LAMA4: variants seen among roughly 807,000 people sequenced by gnomAD.
The protein encoded by LAMA4 is laminin subunit alpha 4, also known as laminin subunit alpha-4.
Under a neutral mutation model 207.1 loss-of-function variants are expected in LAMA4, and 127 were observed. The observed-to-expected ratio is 0.61, with a 90% CI of 0.53 to 0.71. The LOEUF is 0.71. Among genes scored for constraint, LAMA4 ranks in the 30% least tolerant of loss-of-function variants. The probability of loss-of-function intolerance (pLI) is 0.00; values close to 1 mark genes in which losing one functional copy is unlikely to be tolerated. For synonymous variants in LAMA4, 761 were observed against 816.0 expected (o/e 0.93, Z 1.15); for missense variants, 2,093 against 2,246.5 (o/e 0.93, Z 1.38).
intron 22 of LAMA4, among the ~76,000 whole-genome samples, chr6:112,140,210 T>A (rs187979339): frequency 6.6e-6 from 1 of 152,328 alleles, no homozygotes; most frequent in African/African-American, 2.4e-5. Context: ...GGGAAAATAA[T>A]TCTCAGATAA....
chr6:112,210,428 C>G (rs1375852954), intron 3 of LAMA4, among the ~76,000 whole-genome samples: 1 of 152,136 alleles, frequency 6.6e-6, no homozygotes, highest in East Asian at 1.9e-4. Context: ...AAAGCTATAT[C>G]TAGATAATCG....
At chr6:112,176,495 C>T (rs1452521217) in intron 10 of LAMA4, among the ~76,000 whole-genome samples, 5 of 152,058 alleles carry the variant, frequency 3.3e-5, no homozygotes, top group South Asian at 2.1e-4. Flanking sequence ...GCTTGAAGGT[C>T]GCCAGCGGTT....
At chr6:112,174,692 C>T (rs1781919405) in intron 11 of LAMA4, among the ~76,000 whole-genome samples, 1 of 152,210 alleles carries the variant, frequency 6.6e-6, no homozygotes, top group South Asian at 2.1e-4. Context: ...GGGGTTTCAC[C>T]ACACTGGCCA....
At chr6:112,179,823 C>T in intron 9 of LAMA4, 1 of 461,546 alleles carries the variant, frequency 2.2e-6, no homozygotes, top group Non-Finnish European at 4.4e-6. Flanking sequence ...AGTCACAGAG[C>T]CCACTGTGCA....
intron 11 of LAMA4, among the ~76,000 whole-genome samples, chr6:112,173,791 A>G (rs1781860655): frequency 6.6e-6 from 1 of 152,184 alleles, no homozygotes; most frequent in African/African-American, 2.4e-5. Context: ...TAGGAAAACG[A>G]CCTACTGCCC....
At chr6:112,172,904 T>C (rs1165065770) in intron 11 of LAMA4, 100 bp from the exon 12 acceptor site, 2 of 843,958 alleles carry the variant, frequency 2.4e-6, no homozygotes, top group African/African-American at 3.3e-5. Context: ...GGCCATGCCT[T>C]CTTTAGCAAT....
intron 2 of LAMA4, among the ~76,000 whole-genome samples, chr6:112,230,744 C>A (rs1290617247): frequency 1.3e-5 from 2 of 152,164 alleles, no homozygotes; most frequent in Non-Finnish European, 2.9e-5. Context: ...TCCCTGAGCA[C>A]AGAAACTGGA....
chr6:112,164,348 G>C (rs889519073), intron 13 of LAMA4, among the ~76,000 whole-genome samples: 9 of 152,098 alleles, frequency 5.9e-5, no homozygotes. Flanking sequence ...GATAGGAGAT[G>C]GTGCTCTGGG....
intron 9 of LAMA4, among the ~76,000 whole-genome samples, chr6:112,181,223 C>T (rs192002062): frequency 2.6e-5 from 4 of 152,340 alleles, no homozygotes; most frequent in East Asian, 1.9e-4. Flanking sequence ...ACCACTGTGG[C>T]GGTCTCCTAA....
At chr6:112,154,357 C>CAAAAAAAAAAAAAAAAAAA (rs55988988) in intron 16 of LAMA4, among the ~76,000 whole-genome samples, 3 of 120,272 alleles carry the variant, frequency 2.5e-5, no homozygotes, top group Non-Finnish European at 5.3e-5. Context: ...ACACAAACTA[C>CAAAAAAAAAAAAAAAAAAA]AAAAAAAAAA....
intron 3 of LAMA4, among the ~76,000 whole-genome samples, chr6:112,210,290 C>A (rs1784293496): frequency 6.6e-6 from 1 of 151,622 alleles, no homozygotes; most frequent in South Asian, 2.1e-4. Flanking sequence ...TCCATAGACA[C>A]AGCAGTTAGG....
chr6:112,213,926 C>G, intron 3 of LAMA4: 1 of 571,756 alleles, frequency 1.7e-6, no homozygotes, highest in South Asian at 2.6e-5. Context: ...AGTCAGGCAA[C>G]CTGCAAGAAC....
chr6:112,127,772 G>C (rs1554328157), intron 31 of LAMA4, among the ~76,000 whole-genome samples: 2 of 152,136 alleles, frequency 1.3e-5, no homozygotes. Flanking sequence ...AGAGTTGTTG[G>C]TGGCAAGGGC....
chr6:112,180,010 A>G (rs1782257272), intron 9 of LAMA4: 1 of 480,648 alleles, frequency 2.1e-6, no homozygotes, highest in South Asian at 1.6e-5. Context: ...ACTATAATAA[A>G]TCTTAATATT....
At chr6:112,156,104 G>C (rs952857836) in intron 14 of LAMA4, among the ~76,000 whole-genome samples, 13 of 152,244 alleles carry the variant, frequency 8.5e-5, no homozygotes, top group Non-Finnish European at 1.3e-4. Flanking sequence ...GGCTCTAGGA[G>C]AGTATGCAGA....
chr6:112,136,002 T>C (rs994857978), intron 25 of LAMA4, 121 bp downstream of exon 25: 9 of 873,490 alleles, frequency 1.0e-5, no homozygotes, highest in Non-Finnish European at 1.7e-5. Context: ...AGTTGCTCTT[T>C]AGATATGAAA....
intron 25 of LAMA4, chr6:112,135,900 C>T (rs755313418): frequency 1.7e-5 from 8 of 472,824 alleles, no homozygotes; most frequent in Admixed American, 3.4e-5. Flanking sequence ...AGGAATCTTT[C>T]AGTGACTTTT....
rs1366453433 is a variant in LAMA4 at position 112,155,697 on chromosome 6, G to A, written c.1827C>T (p.His609=). ...GTACCAGCCCGTTCATATCTGAACT[G>A]TGCAACTTCCTGTTAATAAACAAAC... ...QEANELSRKL[H]SSDMNGLVQK... is the part of the protein sequence containing the mutation. The change falls in exon 15 of 39, where the codon CAC becomes CAT. Residue 609 remains histidine, a synonymous_variant. Transcript: ENST00000230538. 1 of 1,613,936 alleles carries A rather than the reference G, an allele frequency of 6.2e-7. No homozygotes were observed. Among genetic ancestry groups the A allele is most frequent in the African/African-American group, 1.3e-5 (1 of 74,918 alleles).
intron 9 of LAMA4, 72 bp downstream of exon 9, chr6:112,185,165 A>G: frequency 9.9e-7 from 1 of 1,012,426 alleles, no homozygotes; most frequent in Non-Finnish European, 1.6e-6. Context: ...GTCGTTTGTG[A>G]CCAGCCAGCC....
Sources: allele counts gnomAD v4.1 joint callset (sites outside exome capture counted in the v4.1 genomes callset), GRCh38; gene constraint gnomAD v4.1.1; transcripts MANE v1.5; gene names NCBI Gene and HGNC (gene_info 2026-07-23, HGNC 2026-07-21).